Variants in SULT2A1 observed in about 807,000 individuals in gnomAD.
The protein encoded by SULT2A1 is sulfotransferase family 2A member 1.
Under a neutral mutation model 33.9 loss-of-function variants are expected in SULT2A1, and 43 were observed. The ratio of observed to expected loss-of-function variants is 1.27; its 90% CI spans 1.00 to 1.64. The LOEUF (loss-of-function observed/expected upper bound fraction) is 1.64, where lower values mean the gene tolerates loss of function less well. Ranked by LOEUF, SULT2A1 falls within the 40% of genes most tolerant of loss-of-function variation. SULT2A1 has a pLI of 0.00. For missense variants in SULT2A1, 300 were observed against 335.1 expected, an observed-to-expected ratio of 0.90 and a Z score of 0.82; for synonymous variants, 125 against 113.6, an observed-to-expected ratio of 1.10 and a Z score of -0.64.
chr19:47,877,552 C>CT (rs565116311), intron 4 of SULT2A1, among the ~76,000 whole-genome samples: 11,936 of 137,428 alleles, frequency 0.087, 587 homozygotes, highest in Middle Eastern at 0.14. Context: ...CTTTTTCTTT[C>CT]TTTTTTTTTT....
intron 1 of SULT2A1, among the ~76,000 whole-genome samples, chr19:47,885,547 T>C (rs1044470128): frequency 2.0e-5 from 3 of 152,170 alleles, no homozygotes; most frequent in Admixed American, 6.6e-5. Context: ...TCCCTCTTAT[T>C]ATGTTCCCAT....
At chr19:47,882,318 A>G (rs1968611895) in intron 2 of SULT2A1, 108 bp from the exon 3 acceptor site, 1 of 1,353,646 alleles carries the variant, frequency 7.4e-7, no homozygotes, top group Non-Finnish European at 1.0e-6. Flanking sequence ...GCCTAATAAT[A>G]TCAATGGATT....
chr19:47,876,585 C>A (rs992677491), intron 4 of SULT2A1, among the ~76,000 whole-genome samples: 2 of 151,936 alleles, frequency 1.3e-5, no homozygotes, highest in African/African-American at 2.4e-5. Context: ...GCTTGGTCAA[C>A]GTGGTGAAAC....
chr19:47,881,464 G>A (rs537502571), intron 3 of SULT2A1, among the ~76,000 whole-genome samples: 4 of 152,202 alleles, frequency 2.6e-5, no homozygotes, highest in East Asian at 1.9e-4. Context: ...GAGCCACCGC[G>A]CCCAGCCAGA....
rs1387776793 is a variant in SULT2A1, at chr19:47,886,229, C to A, written c.29G>T (p.Gly10Val). Residue 10 changes from glycine to valine, a missense_variant, in exon 1 of 6, where the codon GGC becomes GTC. Physicochemically the swap from Gly to Val is moderately radical, Grantham distance 109. Coordinates refer to ENST00000222002, the MANE Select transcript of SULT2A1 (RefSeq NM_003167.4). The stretch of plus-strand genomic sequence containing the variant: ...GAAACCCATAGTAGGGAAAGCTATG[C>A]CTTCAAACCATAAGAAATCGTCCGA... Reference protein sequence around the residue: MSDDFLWFEGIAFPTMGFRS... With the variant: MSDDFLWFEVIAFPTMGFRS... 1.9e-6 allele frequency: 3 copies of A among 1,613,900 alleles called. No individual in the cohort carries two copies. Among genetic ancestry groups the A allele is most frequent in the East Asian group, 2.2e-5 (1 of 44,882 alleles).
intron 5 of SULT2A1, among the ~76,000 whole-genome samples, chr19:47,873,243 C>T (rs1256473550): frequency 1.3e-5 from 2 of 152,040 alleles, no homozygotes; most frequent in African/African-American, 4.8e-5. Flanking sequence ...GATCTCGGCT[C>T]ACTGCAGCCT....
intron 4 of SULT2A1, among the ~76,000 whole-genome samples, chr19:47,875,627 G>A (rs1250463590): frequency 6.6e-6 from 1 of 152,052 alleles, no homozygotes; most frequent in Non-Finnish European, 1.5e-5. Context: ...GTTGGAGTGA[G>A]ACCCTGTCTC....
intron 5 of SULT2A1, 74 bp downstream of exon 5, chr19:47,874,583 A>G: frequency 1.3e-6 from 1 of 799,884 alleles, no homozygotes; most frequent in Non-Finnish European, 2.0e-6. Context: ...CTCAACTGTT[A>G]GCGCCCAGTT....
chr19:47,881,701 A>G (rs1002395070), intron 3 of SULT2A1, among the ~76,000 whole-genome samples: 3 of 152,120 alleles, frequency 2.0e-5, no homozygotes, highest in Non-Finnish European at 4.4e-5. Flanking sequence ...ACAGATAGAA[A>G]CAGAATATTA....
At chr19:47,875,977 T>C (rs1600031578) in intron 4 of SULT2A1, among the ~76,000 whole-genome samples, 2 of 152,300 alleles carry the variant, frequency 1.3e-5, no homozygotes, top group East Asian at 3.9e-4. Flanking sequence ...ACTAGGTACA[T>C]GATCCTGGGA....
chr19:47,880,727 C>T (rs534969360), intron 3 of SULT2A1, among the ~76,000 whole-genome samples: 18 of 151,898 alleles, frequency 1.2e-4, no homozygotes, highest in South Asian at 2.1e-4. Context: ...GCTGAGACTA[C>T]GGGCACATGC....
In SULT2A1 at chr19:47,880,109, C is replaced by T. The variant is rs1394800573; in HGVS notation, c.473-979G>A. 2.0e-5 allele frequency among the ~76,000 whole-genome samples: 3 copies of T among 151,308 alleles called. No homozygotes were observed. In the East Asian group the frequency reaches 5.8e-4, roughly 29 times the overall value. ...AAAATTAGCCGGGTGTGATGGCGGG[C>T]GCCTGTAGTCCCAGCTACTCGGGAG... On this transcript the variant is annotated intron_variant, in intron 3 of 5. Coordinates refer to ENST00000222002, the MANE Select transcript of SULT2A1 (RefSeq NM_003167.4).
At chr19:47,884,136 A>G (rs535915830) in intron 1 of SULT2A1, among the ~76,000 whole-genome samples, 14 of 149,782 alleles carry the variant, frequency 9.3e-5, no homozygotes, top group African/African-American at 3.2e-4. Flanking sequence ...AACAAAAAAA[A>G]GTACCATCTC....
rs185205410 is a variant in SULT2A1 at position 47,878,333 on chromosome 19, C to T, written c.567+703G>A. ...GCTGGAATTAGAGGTGTGCACCCCC[C>T]ACATCTGGCTAATTTTTTTTTTCCT... On this transcript the variant is annotated intron_variant, in intron 4 of 5. Coordinates refer to ENST00000222002, the MANE Select transcript of SULT2A1 (RefSeq NM_003167.4). Among the ~76,000 whole-genome samples the T allele has an allele frequency of 2.7e-3, 414 of 151,808 alleles. 2 individuals carry two copies. Among genetic ancestry groups the T allele is most frequent in the African/African-American group, 9.3e-3 (386 of 41,298 alleles).
In SULT2A1 at chr19:47,874,796, C is replaced by T; in HGVS notation, c.606G>A (p.Leu202=). 1 of 1,614,062 alleles carries T rather than the reference C, an allele frequency of 6.2e-7. No homozygotes were observed. Among genetic ancestry groups the T allele is most frequent in the Non-Finnish European group, 8.5e-7 (1 of 1,180,012 alleles). ...GTTCTTCGGGTTCTAACGTCTTTCC[C>T]AGGAATTGACAGATCTTCTCTATGG... ...GRTIEKICQF[L]GKTLEPEELN... Residue 202 remains leucine, a synonymous_variant, in exon 5 of 6, where the codon CTG becomes CTA. Transcript: ENST00000222002.
rs1968479490 is a variant in SULT2A1, at chr19:47,870,511, A to G, written c.*944T>C. On this transcript the variant is annotated 3_prime_UTR_variant, in exon 6 of 6. Transcript: ENST00000222002. ...GTATATGGTTTAACAACACAGAGTA[A>G]GAGGATAAAATTAGATTGCAAATTA... The G allele has an allele frequency of 6.8e-6, 1 of 148,040 alleles. No individual in the cohort carries two copies. The highest frequency in any genetic ancestry group is 2.2e-4 in the South Asian group (1 of 4,578). 9.2% of individuals were successfully genotyped at this position (148,040 alleles called of 1,614,324 possible). A position where few individuals can be genotyped will look rare whatever the true frequency, so the allele number is the denominator to read the frequency against.
intron 4 of SULT2A1, among the ~76,000 whole-genome samples, chr19:47,876,188 G>A (rs763563285): frequency 6.6e-6 from 1 of 151,998 alleles, no homozygotes; most frequent in African/African-American, 2.4e-5. Context: ...GCTAATTTAC[G>A]TATTTTTAGT....
intron 3 of SULT2A1, 88 bp from the exon 4 acceptor site, chr19:47,879,218 T>G: frequency 1.3e-6 from 1 of 796,214 alleles, no homozygotes; most frequent in Non-Finnish European, 2.2e-6. Context: ...CACCGGCTTG[T>G]TAACGTATGA....
In SULT2A1 at chr19:47,876,946, G is replaced by A. The variant is rs143108416; in HGVS notation, c.567+2090C>T. Reference sequence around the variant, plus strand: ...AAAAAAATTAGCTGGGCATGGCGGCGTGCATCTGTAGTCCCAGCTACTCAG... The same window carrying A: ...AAAAAAATTAGCTGGGCATGGCGGCATGCATCTGTAGTCCCAGCTACTCAG... On this transcript the variant is annotated intron_variant, in intron 4 of 5. Coordinates refer to ENST00000222002, the MANE Select transcript of SULT2A1 (RefSeq NM_003167.4). Among the ~76,000 whole-genome samples, 157 of 150,542 alleles carry A rather than the reference G, an allele frequency of 1.0e-3. 1 individual carries two copies. The highest frequency in any genetic ancestry group is 5.8e-3 in the East Asian group (29 of 4,960).
Sources: allele counts gnomAD v4.1 joint callset (sites outside exome capture counted in the v4.1 genomes callset), GRCh38; gene constraint gnomAD v4.1.1; transcripts MANE v1.5; gene names NCBI Gene and HGNC (gene_info 2026-07-23, HGNC 2026-07-21).